CLASP2: variants seen among roughly 807,000 people sequenced by gnomAD.
The protein encoded by CLASP2 is cytoplasmic linker associated protein 2, also known as CLIP-associating protein 2.
A neutral mutation model predicts 194.4 loss-of-function variants in CLASP2; 47 were observed. That is an observed-to-expected ratio of 0.24 (90% CI 0.19 to 0.31). The LOEUF is 0.31. Among genes scored for constraint, CLASP2 ranks in the 10% least tolerant of loss-of-function variants. The pLI, the probability that CLASP2 is intolerant of heterozygous loss-of-function variation, is 1.00. For missense variants in CLASP2, 1,445 were observed against 1,823.6 expected, an observed-to-expected ratio of 0.79 and a Z score of 3.78; for synonymous variants, 619 against 633.5, an observed-to-expected ratio of 0.98 and a Z score of 0.34.
chr3:33,574,403 A>G, intron 24 of CLASP2: 1 of 898,152 alleles, frequency 1.1e-6, no homozygotes, highest in Non-Finnish European at 1.6e-6. Flanking sequence ...GAAGACCATC[A>G]TTTGTTAAAT....
intron 6 of CLASP2, among the ~76,000 whole-genome samples, chr3:33,682,632 GAAAAA>G (rs1023655735): frequency 3.3e-5 from 5 of 151,954 alleles, no homozygotes; most frequent in African/African-American, 1.2e-4. Context: ...AAGCAGTAAA[GAAAAA>G]AAGCCATTGA....
chr3:33,531,819 G>A lies in CLASP2; in HGVS notation c.3787+3414C>T, dbSNP rs563064915. Among the ~76,000 whole-genome samples, 11 of 152,114 alleles carry A rather than the reference G, an allele frequency of 7.2e-5. No individual in the cohort carries two copies. The South Asian group carries it at 1.0e-3, about 14-fold the overall frequency. ...AAAACAAAACCTACAATGGGATATC[G>A]CCACACATCCATTCAGATGGTTACT... On this transcript the variant is annotated intron_variant, in intron 34 of 38. Transcript: ENST00000682230.
intron 6 of CLASP2, among the ~76,000 whole-genome samples, chr3:33,681,413 T>C (rs111938059): frequency 3.7e-3 from 476 of 127,904 alleles, no homozygotes; most frequent in African/African-American, 0.012. Context: ...ATGAAACACA[T>C]CATACTAGAA....
chr3:33,580,982 C>T (rs1438319715), intron 23 of CLASP2, among the ~76,000 whole-genome samples: 3 of 133,204 alleles, frequency 2.3e-5, no homozygotes, highest in Non-Finnish European at 1.5e-5. Context: ...TGCCACTGCA[C>T]TCCAGTCTGG....
chr3:33,552,441 G>T (rs1033726725), intron 29 of CLASP2, among the ~76,000 whole-genome samples: 1 of 152,114 alleles, frequency 6.6e-6, no homozygotes, highest in African/African-American at 2.4e-5. Context: ...TTCTTGATGT[G>T]TAGGTGCATG....
At chr3:33,676,053 T>C (rs932468295) in intron 6 of CLASP2, among the ~76,000 whole-genome samples, 2 of 151,976 alleles carry the variant, frequency 1.3e-5, no homozygotes, top group African/African-American at 4.8e-5. Context: ...AAGCTACCAA[T>C]GACTTTCTTC....
In CLASP2 at chr3:33,710,983, T is replaced by C. The variant is rs143613575; in HGVS notation, c.195+6825A>G. 1.8e-3 allele frequency among the ~76,000 whole-genome samples: 267 copies of C among 152,234 alleles called. 1 individual carries two copies. Among genetic ancestry groups the C allele is most frequent in the African/African-American group, 5.9e-3 (246 of 41,540 alleles). ...ATTTTCTCAGTGAAGTCGGAAGCAATACATGCCTCAGCTGACAATGATGAT... is the reference window on the plus strand; with the variant it reads ...ATTTTCTCAGTGAAGTCGGAAGCAACACATGCCTCAGCTGACAATGATGAT... On this transcript the variant is annotated intron_variant, in intron 1 of 38. Coordinates refer to ENST00000682230, the MANE Select transcript of CLASP2 (RefSeq NM_001365631.1).
intron 24 of CLASP2, among the ~76,000 whole-genome samples, chr3:33,574,769 A>G (rs1005431562): frequency 6.6e-6 from 1 of 152,110 alleles, no homozygotes; most frequent in Admixed American, 6.5e-5. Flanking sequence ...TCCTTTTGTC[A>G]TTTCCAAAGT....
intron 30 of CLASP2, among the ~76,000 whole-genome samples, chr3:33,550,358 G>A (rs1260777631): frequency 7.2e-6 from 1 of 139,602 alleles, no homozygotes; most frequent in Non-Finnish European, 1.5e-5. Context: ...TCATGCCACT[G>A]TGCTCCAGCC....
intron 6 of CLASP2, among the ~76,000 whole-genome samples, chr3:33,671,548 A>C (rs984044633): frequency 7.2e-5 from 11 of 152,158 alleles, no homozygotes; most frequent in African/African-American, 2.7e-4. Flanking sequence ...TTTCCATCTG[A>C]GGTACCAGGT....
At chr3:33,517,317 C>T in intron 34 of CLASP2, 143 bp from the exon 35 acceptor site, 1 of 612,392 alleles carries the variant, frequency 1.6e-6, no homozygotes, top group East Asian at 3.2e-5. Flanking sequence ...ATTAAGTAAT[C>T]TTCTTTTCAA....
intron 7 of CLASP2, chr3:33,645,326 G>C: frequency 1.3e-6 from 1 of 765,166 alleles, no homozygotes; most frequent in Non-Finnish European, 2.4e-6. Context: ...TCCTCTGAAA[G>C]CTCTTAATTT....
rs2061439439 is a variant in CLASP2 at position 33,559,397 on chromosome 3, AC to A, written c.2931-13del. 6.5e-7 allele frequency: 1 copy of A among 1,540,464 alleles called. No individual in the cohort carries two copies. The highest frequency in any genetic ancestry group is 8.8e-7 in the Non-Finnish European group (1 of 1,130,280). ...TTGGAAAAGACTCTCTGAAACAAGA[AC>A]AAAGCAAAACGAAACAAAAATTTAG... On this transcript the variant is annotated splice_polypyrimidine_tract_variant and intron_variant, in intron 28 of 38. Transcript: ENST00000682230.
At chr3:33,702,856 A>T (rs2092464259) in intron 1 of CLASP2, among the ~76,000 whole-genome samples, 1 of 152,194 alleles carries the variant, frequency 6.6e-6, no homozygotes, top group African/African-American at 2.4e-5. Flanking sequence ...AAGCAAAGGC[A>T]ATATAATGAA....
intron 5 of CLASP2, among the ~76,000 whole-genome samples, chr3:33,684,737 T>G (rs1017661939): frequency 6.6e-6 from 1 of 152,152 alleles, no homozygotes; most frequent in Non-Finnish European, 1.5e-5. Flanking sequence ...CGGTGGCTCA[T>G]GCCTGTAATC....
chr3:33,717,969 G>A lies in CLASP2; in HGVS notation c.34C>T (p.Gln12Ter). The A allele has an allele frequency of 6.5e-7, 1 of 1,541,374 alleles. No homozygotes were observed. The highest frequency in any genetic ancestry group is 8.7e-7 in the Non-Finnish European group (1 of 1,145,730). ...CCGCCGACGTCCTTCTGCTGCACCT[G>A]GGCGCAGAAGTACTCCATGCTGCGG... ...EPRSMEYFCAQVQQKDVGGRL... is the reference protein window; with the variant it reads ...EPRSMEYFCA The change falls in exon 1 of 39, where the codon CAG becomes TAG. Residue 12 changes from glutamine (Q) to a stop codon, truncating the protein, a stop_gained. Coordinates refer to ENST00000682230, the MANE Select transcript of CLASP2 (RefSeq NM_001365631.1). LOFTEE classifies it high-confidence loss of function.
At chr3:33,500,468 CTT>C (rs2046586966) in intron 38 of CLASP2, among the ~76,000 whole-genome samples, 1 of 152,160 alleles carries the variant, frequency 6.6e-6, no homozygotes, top group East Asian at 1.9e-4. Flanking sequence ...AACATTAACT[CTT>C]TGATCCAAGA....
intron 6 of CLASP2, among the ~76,000 whole-genome samples, chr3:33,673,781 G>A (rs975770572): frequency 1.3e-5 from 2 of 152,150 alleles, no homozygotes; most frequent in Non-Finnish European, 2.9e-5. Flanking sequence ...AAAAATGGCA[G>A]GGGTTGCAAT....
intron 7 of CLASP2, among the ~76,000 whole-genome samples, chr3:33,655,370 A>G (rs2083966646): frequency 6.6e-6 from 1 of 152,110 alleles, no homozygotes; most frequent in Non-Finnish European, 1.5e-5. Flanking sequence ...CTTAACACAG[A>G]CCTAAAACAC....
Sources: allele counts gnomAD v4.1 joint callset (sites outside exome capture counted in the v4.1 genomes callset), GRCh38; gene constraint gnomAD v4.1.1; transcripts MANE v1.5; gene names NCBI Gene and HGNC (gene_info 2026-07-23, HGNC 2026-07-21).